The following PDE4D variants were observed in gnomAD, a reference collection of about 807,000 sequenced individuals.
The protein encoded by PDE4D is phosphodiesterase 4D.
Under a neutral mutation model 87.4 loss-of-function variants are expected in PDE4D, and 24 were observed. The ratio of observed to expected loss-of-function variants is 0.27; its 90% CI spans 0.20 to 0.39. PDE4D has a LOEUF of 0.39. PDE4D is among the 10% of genes least tolerant of loss of function. The pLI, the probability that PDE4D is intolerant of heterozygous loss-of-function variation, is 1.00. For missense variants in PDE4D, 714 were observed against 1,041.0 expected, an observed-to-expected ratio of 0.69 and a Z score of 4.32; for synonymous variants, 384 against 383.2, an observed-to-expected ratio of 1.00 and a Z score of -0.02.
intron 1 of PDE4D, among the ~76,000 whole-genome samples, chr5:60,479,671 A>G (rs947360805): frequency 6.6e-6 from 1 of 152,202 alleles, no homozygotes; most frequent in African/African-American, 2.4e-5. Context: ...GAACCACTCA[A>G]TTCTGCCCTT....
At chr5:60,029,722 C>A (rs561621808) in intron 2 of PDE4D, among the ~76,000 whole-genome samples, 5 of 137,822 alleles carry the variant, frequency 3.6e-5, no homozygotes, top group African/African-American at 1.4e-4. Context: ...CACCACCACC[C>A]TCTTACCCTT....
At chr5:59,681,381 T>C (rs779645046) in intron 1 of PDE4D, among the ~76,000 whole-genome samples, 4 of 152,070 alleles carry the variant, frequency 2.6e-5, no homozygotes, top group Non-Finnish European at 5.9e-5. Flanking sequence ...TTATGCATAA[T>C]AGAAAGCCAA....
Position 60,196,042 on chromosome 5 carries a change from G to A in PDE4D, c.-89-10355C>T, listed in dbSNP as rs190660451. Among the ~76,000 whole-genome samples the A allele has an allele frequency of 2.9e-3, 445 of 151,474 alleles. 14 individuals are homozygous for A. Among genetic ancestry groups the A allele is most frequent in the Middle Eastern group, 0.024 (7 of 292 alleles). Reference sequence around the variant, plus strand: ...ACCATTGAATGAATAATATGCAGGCGGTCACACTTACATAGAGAACACAAG... The same window carrying A: ...ACCATTGAATGAATAATATGCAGGCAGTCACACTTACATAGAGAACACAAG... On this transcript the variant is annotated intron_variant, in intron 1 of 16. Transcript: ENST00000502484.
chr5:59,698,907 G>A (rs932570050), intron 1 of PDE4D, among the ~76,000 whole-genome samples: 1 of 152,162 alleles, frequency 6.6e-6, no homozygotes, highest in African/African-American at 2.4e-5. Context: ...CTTAGCAGTT[G>A]CCTAATTTCC....
intron 1 of PDE4D, among the ~76,000 whole-genome samples, chr5:60,436,325 T>C (rs1415557121): frequency 1.3e-5 from 2 of 152,058 alleles, no homozygotes; most frequent in African/African-American, 4.8e-5. Flanking sequence ...AAAAATCAGT[T>C]AGACTGTACA....
At chr5:60,087,744 T>C (rs1192976858) in intron 2 of PDE4D, among the ~76,000 whole-genome samples, 2 of 151,730 alleles carry the variant, frequency 1.3e-5, no homozygotes, top group African/African-American at 2.4e-5. Flanking sequence ...TAAAGAAGAA[T>C]AAGGGGACAC....
At chr5:60,430,156 C>G in intron 1 of PDE4D, 1 of 524,460 alleles carries the variant, frequency 1.9e-6, no homozygotes, top group Non-Finnish European at 3.8e-6. Flanking sequence ...CTGAGGGGCA[C>G]GCTTCTTGAA....
chr5:59,228,819 C>T (rs1754451966), intron 1 of PDE4D, among the ~76,000 whole-genome samples: 1 of 152,140 alleles, frequency 6.6e-6, no homozygotes. Context: ...GTTCACTCTG[C>T]TCAGCCTCTT....
chr5:59,008,475 G>C (rs1297643588), intron 6 of PDE4D, among the ~76,000 whole-genome samples: 1 of 151,916 alleles, frequency 6.6e-6, no homozygotes, highest in Non-Finnish European at 1.5e-5. Flanking sequence ...AATAAAATTT[G>C]AGCTATAAAA....
Position 60,073,782 on chromosome 5 carries a change from T to C in PDE4D, c.43-85065A>G, listed in dbSNP as rs549348840. Among the ~76,000 whole-genome samples the C allele has an allele frequency of 6.6e-5, 10 of 152,208 alleles. No individual in the cohort carries two copies. In the East Asian group the frequency reaches 1.9e-3, roughly 29 times the overall value. On this transcript the variant is annotated intron_variant, in intron 2 of 16. Coordinates refer to the PDE4D transcript ENST00000502484. ...GTGTATATGTCCAGGGATTTATCAA[T>C]TTTTCTAGATTTTCTAGTTTGTGTG...
chr5:59,065,061 TATATATACACACACACACACACACAC>T (rs1169824838), intron 5 of PDE4D, among the ~76,000 whole-genome samples: 21 of 16,510 alleles, frequency 1.3e-3, no homozygotes, highest in African/African-American at 3.5e-3. Context: ...AAATGTGATA[TATATATACACACACACACACACACAC>T]ACACACACAC....
intron 3 of PDE4D, among the ~76,000 whole-genome samples, chr5:59,980,934 A>G (rs933586809): frequency 6.6e-6 from 1 of 152,200 alleles, no homozygotes. Flanking sequence ...CATCACTCTT[A>G]GAATCTAATT....
intron 1 of PDE4D, among the ~76,000 whole-genome samples, chr5:59,713,473 A>G (rs1003751566): frequency 6.6e-6 from 1 of 152,150 alleles, no homozygotes; most frequent in Non-Finnish European, 1.5e-5. Context: ...TACGGCTCAC[A>G]CTCAGACAGT....
intron 1 of PDE4D, among the ~76,000 whole-genome samples, chr5:59,438,999 T>C (rs570477058): frequency 1.1e-4 from 17 of 152,176 alleles, no homozygotes; most frequent in Non-Finnish European, 2.5e-4. Context: ...TTGTCAAATA[T>C]CTCTAGATCC....
chr5:60,380,501 T>C (rs760487423), intron 1 of PDE4D, among the ~76,000 whole-genome samples: 13 of 152,224 alleles, frequency 8.5e-5, no homozygotes, highest in Non-Finnish European at 1.8e-4. Flanking sequence ...CTTTTCTTTT[T>C]GCCCCAATGT....
chr5:60,374,962 G>A (rs531425614), intron 1 of PDE4D, among the ~76,000 whole-genome samples: 1 of 152,180 alleles, frequency 6.6e-6, no homozygotes, highest in South Asian at 2.1e-4. Flanking sequence ...ATTATTGCAT[G>A]TTTTAATTTC....
chr5:60,146,285 T>C (rs1388460629), intron 2 of PDE4D, among the ~76,000 whole-genome samples: 1 of 152,196 alleles, frequency 6.6e-6, no homozygotes, highest in Non-Finnish European at 1.5e-5. Flanking sequence ...TAGCACCTGG[T>C]AGTAGATGTT....
At chr5:60,218,962 T>C (rs2149591379) in intron 1 of PDE4D, among the ~76,000 whole-genome samples, 1 of 152,242 alleles carries the variant, frequency 6.6e-6, no homozygotes, top group East Asian at 1.9e-4. Flanking sequence ...CCACCTCTTC[T>C]AAAAGCACCC....
chr5:59,722,725 T>C (rs1330606548), intron 1 of PDE4D, among the ~76,000 whole-genome samples: 2 of 152,170 alleles, frequency 1.3e-5, no homozygotes, highest in African/African-American at 2.4e-5. Context: ...GTGAAACCTA[T>C]CATAAGAAAC....
Sources: gnomAD v4.1 joint callset for allele counts (sites outside exome capture counted in the v4.1 genomes callset) on GRCh38, gnomAD v4.1.1 for gene constraint, MANE v1.5 for transcripts, NCBI Gene and HGNC (gene_info 2026-07-23, HGNC 2026-07-21) for gene names.